Variants in DCBLD2 observed in about 807,000 individuals in gnomAD.
DCBLD2 encodes the protein discoidin, CUB and LCCL domain-containing protein 2.
DCBLD2 carries 54 observed loss-of-function variants against 86.8 expected under a neutral mutation model. The ratio of observed to expected loss-of-function variants is 0.62; its 90% CI spans 0.50 to 0.78. DCBLD2 has a LOEUF of 0.78. DCBLD2 is among the 30% of genes least tolerant of loss of function. The pLI, the probability that DCBLD2 is intolerant of heterozygous loss-of-function variation, is 0.00. For synonymous variants in DCBLD2, 354 were observed against 341.3 expected (o/e 1.04, Z -0.41); for missense variants, 908 against 954.2 (o/e 0.95, Z 0.64).
At chr3:98,855,617 A>G (rs1023094293) in intron 2 of DCBLD2, among the ~76,000 whole-genome samples, 4 of 152,244 alleles carry the variant, frequency 2.6e-5, no homozygotes, top group African/African-American at 9.6e-5. Flanking sequence ...GACTGTAAGC[A>G]TAGTTCCCTC....
chr3:98,893,391 A>C (rs1943697218), intron 1 of DCBLD2, among the ~76,000 whole-genome samples: 1 of 151,924 alleles, frequency 6.6e-6, no homozygotes, highest in East Asian at 1.9e-4. Context: ...AGAAAAAAAA[A>C]AAAAAGAAAC....
At position 98,811,511 on chromosome 3, in the gene DCBLD2, G is replaced by C. The variant is rs1453694841; in HGVS notation, c.1407C>G (p.Ser469Arg). Residue 469 changes from serine (S) to arginine (R), a missense_variant, in exon 11 of 16, where the codon AGC becomes AGG. Physicochemically the swap from Ser to Arg is moderately radical, Grantham distance 110. Transcript: ENST00000326840. ...GGGCTGTAGTGTTTTTGAGGTCATT[G>C]CTGTTCCGAGGAGGTGGAGGTTGAG... The part of the protein sequence containing the change: ...KLTQPPPPRN[S>R]NDLKNTTAPP... 1 of 1,610,984 alleles carries C rather than the reference G, an allele frequency of 6.2e-7. No individual in the cohort carries two copies. Among genetic ancestry groups the C allele is most frequent in the African/African-American group, 1.3e-5 (1 of 74,822 alleles).
intron 3 of DCBLD2, among the ~76,000 whole-genome samples, chr3:98,826,392 G>A (rs151010022): frequency 5.4e-4 from 82 of 152,308 alleles, no homozygotes; most frequent in African/African-American, 1.8e-3. Context: ...CTACTACTTA[G>A]CTTAGCTGAT....
chr3:98,885,416 ATTTT>A, intron 1 of DCBLD2, among the ~76,000 whole-genome samples: 1 of 49,128 alleles, frequency 2.0e-5, no homozygotes, highest in East Asian at 3.2e-4. Flanking sequence ...ACATATACAT[ATTTT>A]TTTTGCTTAT....
At chr3:98,845,771 T>C (rs988753750) in intron 3 of DCBLD2, among the ~76,000 whole-genome samples, 7 of 152,310 alleles carry the variant, frequency 4.6e-5, no homozygotes, top group Non-Finnish European at 8.8e-5. Flanking sequence ...CTGCTTTCTT[T>C]TCCAGTTCTC....
At chr3:98,854,853 A>G (rs912768929) in intron 2 of DCBLD2, among the ~76,000 whole-genome samples, 4 of 152,190 alleles carry the variant, frequency 2.6e-5, no homozygotes, top group Non-Finnish European at 4.4e-5. Flanking sequence ...ATAAAAATCA[A>G]TTCTGGATGG....
intron 1 of DCBLD2, among the ~76,000 whole-genome samples, chr3:98,883,358 C>T (rs923117929): frequency 2.1e-4 from 32 of 152,140 alleles, no homozygotes; most frequent in African/African-American, 5.8e-4. Context: ...TGAAATTTAA[C>T]TTTTTAGTAG....
Position 98,859,068 on chromosome 3 carries a change from C to T in DCBLD2, c.434-9470G>A, listed in dbSNP as rs113420383. On this transcript the variant is annotated intron_variant, in intron 2 of 15. Coordinates refer to ENST00000326840, the MANE Select transcript of DCBLD2 (RefSeq NM_080927.4). ...AATGGTCTTATAGCAAACGGCACAC[C>T]AGGAGATTACATCCCACGCCTGGCT... 6.5e-3 allele frequency among the ~76,000 whole-genome samples: 997 copies of T among 152,258 alleles called. 3 individuals are homozygous for T. The highest frequency in any genetic ancestry group is 0.011 in the Non-Finnish European group (754 of 68,020).
At chr3:98,882,492 T>C (rs549827414) in intron 1 of DCBLD2, among the ~76,000 whole-genome samples, 12 of 152,224 alleles carry the variant, frequency 7.9e-5, no homozygotes, top group Admixed American at 2.0e-4. Context: ...TACACAGATA[T>C]ACATGTGCCA....
chr3:98,873,376 T>C (rs1943312830), intron 2 of DCBLD2, among the ~76,000 whole-genome samples: 3 of 152,200 alleles, frequency 2.0e-5, no homozygotes, highest in Admixed American at 2.0e-4. Context: ...CCTTCTCAAG[T>C]ATATATAGAA....
chr3:98,869,036 T>C (rs1458094731), intron 2 of DCBLD2, among the ~76,000 whole-genome samples: 1 of 152,188 alleles, frequency 6.6e-6, no homozygotes, highest in African/African-American at 2.4e-5. Flanking sequence ...TTGATAAATT[T>C]CCATACTGTT....
intron 12 of DCBLD2, 122 bp downstream of exon 12, chr3:98,811,072 T>G: frequency 8.6e-7 from 1 of 1,156,924 alleles, no homozygotes; most frequent in Non-Finnish European, 1.2e-6. Flanking sequence ...ATTTTTTTTT[T>G]TGCTATACTT....
chr3:98,870,069 A>C (rs1943230285), intron 2 of DCBLD2, among the ~76,000 whole-genome samples: 1 of 152,180 alleles, frequency 6.6e-6, no homozygotes, highest in African/African-American at 2.4e-5. Flanking sequence ...TCTCAGAGCA[A>C]ATGGGGAAAG....
chr3:98,831,354 C>T (rs1403868319), intron 3 of DCBLD2, among the ~76,000 whole-genome samples: 1 of 151,968 alleles, frequency 6.6e-6, no homozygotes, highest in African/African-American at 2.4e-5. Flanking sequence ...CTTGGCCCTT[C>T]TCTCTTCTTT....
Position 98,797,691 on chromosome 3 carries a change from C to T in DCBLD2, c.*1681G>A, listed in dbSNP as rs888787563. 1 of 152,122 alleles carries T rather than the reference C, an allele frequency of 6.6e-6. No homozygotes were observed. Among genetic ancestry groups the T allele is most frequent in the South Asian group, 2.1e-4 (1 of 4,826 alleles). The allele number at this position is 152,122 out of a possible 1,614,324, so 9.4% of individuals were successfully genotyped here. A position where few individuals can be genotyped will look rare whatever the true frequency, so the allele number is the denominator to read the frequency against. The stretch of plus-strand genomic sequence containing the variant: ...AAAATAAGGCCAAAAAACCATACCA[C>T]AAAAGGACAGGAAGCCTGCAGAAAT... On this transcript the variant is annotated 3_prime_UTR_variant, in exon 16 of 16. Coordinates refer to ENST00000326840, the MANE Select transcript of DCBLD2 (RefSeq NM_080927.4).
At chr3:98,804,106 C>G (rs1941784238) in intron 13 of DCBLD2, among the ~76,000 whole-genome samples, 2 of 152,114 alleles carry the variant, frequency 1.3e-5, no homozygotes, top group Admixed American at 6.6e-5. Flanking sequence ...GATTGGAATA[C>G]TTTCAGAAAG....
intron 2 of DCBLD2, among the ~76,000 whole-genome samples, chr3:98,863,729 C>G (rs1045689884): frequency 6.6e-6 from 1 of 152,224 alleles, no homozygotes; most frequent in Non-Finnish European, 1.5e-5. Flanking sequence ...GGATTAAAGA[C>G]TTAAATGTTA....
intron 2 of DCBLD2, among the ~76,000 whole-genome samples, chr3:98,863,990 A>T (rs1018614098): frequency 6.6e-6 from 1 of 152,188 alleles, no homozygotes; most frequent in African/African-American, 2.4e-5. Context: ...GAATCTACAA[A>T]GAACTCAAAC....
chr3:98,894,041 T>C (rs552152546), intron 1 of DCBLD2, among the ~76,000 whole-genome samples: 1 of 152,280 alleles, frequency 6.6e-6, no homozygotes, highest in African/African-American at 2.4e-5. Flanking sequence ...GATTATCACA[T>C]GGGCCCAAGT....
Sources: gnomAD v4.1 joint callset for allele counts (sites outside exome capture counted in the v4.1 genomes callset) on GRCh38, gnomAD v4.1.1 for gene constraint, MANE v1.5 for transcripts, NCBI Gene and HGNC (gene_info 2026-07-23, HGNC 2026-07-21) for gene names.